CDH13: variants seen among roughly 807,000 people sequenced by gnomAD.
CDH13 encodes cadherin 13.
CDH13 carries 24 observed loss-of-function variants against 63.8 expected under a neutral mutation model. That is an observed-to-expected ratio of 0.38 (90% CI 0.27 to 0.53). The LOEUF (loss-of-function observed/expected upper bound fraction) is 0.53, where lower values mean the gene tolerates loss of function less well. CDH13 is among the 20% of genes least tolerant of loss of function. The probability of loss-of-function intolerance (pLI) is 0.85; values close to 1 mark genes in which losing one functional copy is unlikely to be tolerated. For missense variants in CDH13, 1,049 were observed against 903.1 expected (o/e 1.16, Z -2.07); for synonymous variants, 503 against 355.3 (o/e 1.42, Z -4.67).
Position 83,697,635 on chromosome 16 carries a change from C to A in CDH13, c.1538+19174C>A, listed in dbSNP as rs1023001265. Among the ~76,000 whole-genome samples, 3 of 152,184 alleles carry A rather than the reference C, an allele frequency of 2.0e-5. No homozygotes were observed. The South Asian group carries it at 6.2e-4, about 31-fold the overall frequency. On this transcript the variant is annotated intron_variant, in intron 10 of 13. Transcript: ENST00000567109. ...TGACCAGAGGCTTGAGGAAACCTAA[C>A]CGTGTATTCTTCCCGAGAGCAATGG...
intron 5 of CDH13, among the ~76,000 whole-genome samples, chr16:83,275,505 G>A (rs575063543): frequency 6.6e-6 from 1 of 152,300 alleles, no homozygotes; most frequent in South Asian, 2.1e-4. Context: ...CTCTGATGAG[G>A]AGCTGTGTTT....
At chr16:82,795,923 A>T (rs951116714) in intron 1 of CDH13, among the ~76,000 whole-genome samples, 4 of 151,162 alleles carry the variant, frequency 2.6e-5, no homozygotes, top group Admixed American at 6.6e-5. Context: ...AACACAGTGG[A>T]AAAAAAGGCC....
chr16:83,602,914 T>C (rs1311675167), intron 8 of CDH13, among the ~76,000 whole-genome samples: 1 of 152,234 alleles, frequency 6.6e-6, no homozygotes, highest in African/African-American at 2.4e-5. Flanking sequence ...AGAGTCCCAC[T>C]GTGATTTTAG....
At chr16:82,869,204 G>A (rs572064100) in intron 2 of CDH13, among the ~76,000 whole-genome samples, 121 of 152,202 alleles carry the variant, frequency 7.9e-4, no homozygotes, top group Middle Eastern at 3.4e-3. Context: ...GCACCACCAC[G>A]CCTGGCTAAT....
chr16:82,978,315 C>T (rs574851663), intron 2 of CDH13, among the ~76,000 whole-genome samples: 8 of 152,318 alleles, frequency 5.3e-5, no homozygotes, highest in African/African-American at 1.9e-4. Context: ...GGGAGAAATT[C>T]AAGGCTGTTG....
chr16:83,722,469 C>T (rs1909824616), intron 10 of CDH13, among the ~76,000 whole-genome samples: 1 of 152,072 alleles, frequency 6.6e-6, no homozygotes, highest in Non-Finnish European at 1.5e-5. Flanking sequence ...GGGAGTAACT[C>T]GAAACTGGCC....
At chr16:83,441,350 C>A (rs1042806370) in intron 6 of CDH13, among the ~76,000 whole-genome samples, 9 of 152,318 alleles carry the variant, frequency 5.9e-5, no homozygotes, top group African/African-American at 1.9e-4. Context: ...AATACATTTA[C>A]AATTGGCAAA....
chr16:83,123,762 G>T (rs1350632385), intron 3 of CDH13, among the ~76,000 whole-genome samples: 1 of 152,118 alleles, frequency 6.6e-6, no homozygotes, highest in African/African-American at 2.4e-5. Flanking sequence ...TCTGTTTTCA[G>T]TTCTTTGAGA....
chr16:83,698,506 C>G (rs1361425402), intron 10 of CDH13, among the ~76,000 whole-genome samples: 1 of 152,204 alleles, frequency 6.6e-6, no homozygotes. Flanking sequence ...CAAGACACTG[C>G]TTTCTTGGAA....
At chr16:83,534,216 A>T (rs2075140217) in intron 7 of CDH13, among the ~76,000 whole-genome samples, 1 of 152,190 alleles carries the variant, frequency 6.6e-6, no homozygotes, top group Non-Finnish European at 1.5e-5. Flanking sequence ...GAAATATGCA[A>T]AGAGGAGCGC....
intron 5 of CDH13, among the ~76,000 whole-genome samples, chr16:83,254,572 C>T (rs983311510): frequency 1.3e-5 from 2 of 152,172 alleles, no homozygotes; most frequent in Non-Finnish European, 1.5e-5. Flanking sequence ...ATCTCCTCCT[C>T]CTTTTCTTTT....
At chr16:83,560,218 C>T (rs1211597136) in intron 7 of CDH13, among the ~76,000 whole-genome samples, 1 of 152,212 alleles carries the variant, frequency 6.6e-6, no homozygotes, top group Non-Finnish European at 1.5e-5. Flanking sequence ...TAGACATATT[C>T]ATAGTTCTGA....
intron 2 of CDH13, among the ~76,000 whole-genome samples, chr16:82,908,025 A>T (rs1291653619): frequency 6.6e-6 from 1 of 152,156 alleles, no homozygotes; most frequent in Non-Finnish European, 1.5e-5. Context: ...CCTGATTTAC[A>T]ACAATAGGTT....
rs927900845 is a variant in CDH13, at chr16:83,694,209, C to A, written c.1538+15748C>A. Among the ~76,000 whole-genome samples, 10 of 152,340 alleles carry A rather than the reference C, an allele frequency of 6.6e-5. 1 individual carries two copies. In the Middle Eastern group the frequency reaches 0.014, roughly 207 times the overall value. ...GGATTAGGGACCACCACAAAGAGAACAGCTGAGTTCTCATGTTAGGCTTCC... is the reference window on the plus strand; with the variant it reads ...GGATTAGGGACCACCACAAAGAGAAAAGCTGAGTTCTCATGTTAGGCTTCC... On this transcript the variant is annotated intron_variant, in intron 10 of 13. Transcript: ENST00000567109.
intron 6 of CDH13, among the ~76,000 whole-genome samples, chr16:83,358,063 G>C (rs1182088140): frequency 6.6e-6 from 1 of 152,172 alleles, no homozygotes; most frequent in African/African-American, 2.4e-5. Flanking sequence ...AAACTGTCCA[G>C]CAGAGCAGAA....
At chr16:83,347,261 T>C (rs1168004885) in intron 6 of CDH13, among the ~76,000 whole-genome samples, 1 of 152,012 alleles carries the variant, frequency 6.6e-6, no homozygotes, top group Non-Finnish European at 1.5e-5. Flanking sequence ...GTCTCTTGTA[T>C]TTCCATTATG....
At chr16:83,004,366 C>G (rs1017343469) in intron 2 of CDH13, among the ~76,000 whole-genome samples, 7 of 152,174 alleles carry the variant, frequency 4.6e-5, no homozygotes, top group African/African-American at 1.7e-4. Flanking sequence ...AGGATATTGG[C>G]TAACAGCTGT....
At chr16:83,732,135 G>A (rs949345279) in intron 10 of CDH13, among the ~76,000 whole-genome samples, 3 of 152,212 alleles carry the variant, frequency 2.0e-5, no homozygotes, top group African/African-American at 4.8e-5. Context: ...TTCCATTCTA[G>A]TGGGAAGACC....
intron 1 of CDH13, among the ~76,000 whole-genome samples, chr16:82,766,347 C>G (rs1213980982): frequency 1.3e-5 from 2 of 152,194 alleles, no homozygotes. Flanking sequence ...AGGATTGAAT[C>G]TCTTGCCTGA....
Sources: allele counts gnomAD v4.1 joint callset (sites outside exome capture counted in the v4.1 genomes callset), GRCh38; gene constraint gnomAD v4.1.1; transcripts MANE v1.5; gene names NCBI Gene and HGNC (gene_info 2026-07-23, HGNC 2026-07-21).